Variants in CTC1 observed in about 807,000 individuals in gnomAD.
CTC1 encodes CST telomere replication complex component 1, also known as CST complex subunit CTC1.
CTC1 carries 91 observed loss-of-function variants against 136.3 expected under a neutral mutation model. The ratio of observed to expected loss-of-function variants is 0.67; its 90% CI spans 0.56 to 0.79. CTC1 has a LOEUF of 0.79. CTC1 is among the 30% of genes least tolerant of loss of function. The pLI is 0.00. For synonymous variants in CTC1, 606 were observed against 613.8 expected (o/e 0.99, Z 0.19); for missense variants, 1,432 against 1,498.1 (o/e 0.96, Z 0.73).
intron 1 of CTC1, 95 bp from the exon 2 acceptor site, chr17:8,243,243 G>C: frequency 8.1e-7 from 1 of 1,227,018 alleles, no homozygotes; most frequent in Non-Finnish European, 1.1e-6. Flanking sequence ...ATCCGGGCCG[G>C]GTGCGGTGGC....
Position 8,238,127 on chromosome 17 carries a change from G to C in CTC1, c.551C>G (p.Ala184Gly). The C allele has an allele frequency of 6.2e-7, 1 of 1,614,152 alleles. No homozygotes were observed. Among genetic ancestry groups the C allele is most frequent in the Non-Finnish European group, 8.5e-7 (1 of 1,179,996 alleles). ...SGEGHLELWD[A>G]PVPVFPLTIS... ...GGTCAAAGGAAACACTGGCACAGGG[G>C]CATCCCACAGCTCCAAGTGCCCTTC... The change falls in exon 4 of 23, where the codon GCC becomes GGC. Residue 184 changes from alanine to glycine, a missense_variant. Transcript: ENST00000651323.
intron 15 of CTC1, 49 bp from the exon 16 acceptor site, chr17:8,230,700 G>T (rs1360613083): frequency 6.7e-7 from 1 of 1,487,470 alleles, no homozygotes; most frequent in South Asian, 1.1e-5. Context: ...AGAAAGCACA[G>T]AGTGGAGACA....
intron 7 of CTC1, 62 bp from the exon 8 acceptor site, chr17:8,235,347 CAG>C: frequency 7.8e-7 from 1 of 1,285,764 alleles, no homozygotes; most frequent in Non-Finnish European, 1.1e-6. Flanking sequence ...TGAACCCAGG[CAG>C]AGTTAACCGC....
chr17:8,242,654 T>C (rs1176784438), intron 2 of CTC1, among the ~76,000 whole-genome samples: 1 of 150,372 alleles, frequency 6.7e-6, no homozygotes, highest in Non-Finnish European at 1.5e-5. Context: ...CACTTGGTAA[T>C]GTCAAACAGT....
rs1358177237 is a variant in CTC1 at position 8,227,043 on chromosome 17, T to TA, written c.*1136dup. Reference sequence around the variant, plus strand: ...CCTTGGCGTTATTAGCACCACGCTCTAACCAACTGAGCTAACCGGCCACTA... The same window carrying TA: ...CCTTGGCGTTATTAGCACCACGCTCTAAACCAACTGAGCTAACCGGCCACTA... On this transcript the variant is annotated 3_prime_UTR_variant, in exon 23 of 23. Transcript: ENST00000651323. 6.6e-6 allele frequency: 1 copy of TA among 152,568 alleles called. No homozygotes were observed. The highest frequency in any genetic ancestry group is 2.4e-5 in the African/African-American group (1 of 41,458). 9.5% of individuals were successfully genotyped at this position (152,568 alleles called of 1,614,324 possible). A position where few individuals can be genotyped will look rare whatever the true frequency, so the allele number is the denominator to read the frequency against.
chr17:8,227,068 A>C lies in CTC1; in HGVS notation c.*1112T>G, dbSNP rs145994242. On this transcript the variant is annotated 3_prime_UTR_variant, in exon 23 of 23. Transcript: ENST00000651323. ...TAACCAACTGAGCTAACCGGCCACT[A>C]ACTTTCCGGGTCTACTTCAAATCTT... is the stretch of plus-strand genomic sequence containing the variant. 1.3e-5 allele frequency: 2 copies of C among 150,956 alleles called. No homozygotes were observed. The highest frequency in any genetic ancestry group is 3.9e-4 in the East Asian group (2 of 5,192). 9.4% of individuals were successfully genotyped at this position (150,956 alleles called of 1,614,324 possible).
chr17:8,237,570 G>A lies in CTC1; in HGVS notation c.648-51C>T, dbSNP rs771185000. On this transcript the variant is annotated intron_variant, in intron 4 of 22. Coordinates refer to ENST00000651323, the MANE Select transcript of CTC1 (RefSeq NM_025099.6). ...ATCCCAGCTACTCAGGAGGCTGAGG[G>A]AGGAGAATCACTTGAACCTGAAAGG... 20 of 1,524,180 alleles carry A rather than the reference G, an allele frequency of 1.3e-5. No homozygotes were observed. In the African/African-American group the frequency reaches 2.5e-4, roughly 19 times the overall value. The allele number at this position is 1,524,180 out of a possible 1,614,324, so 94.4% of individuals were successfully genotyped here.
rs12603646 is a variant in CTC1, at chr17:8,235,325, A to C, written c.1207-40T>G. The C allele has an allele frequency of 0.3, 437,440 of 1,470,890 alleles. 67,583 individuals carry two copies. Among genetic ancestry groups the C allele is most frequent in the Admixed American group, 0.49 (28,892 of 58,820 alleles). 91.1% of individuals were successfully genotyped at this position (1,470,890 alleles called of 1,614,324 possible). On this transcript the variant is annotated intron_variant, in intron 7 of 22. Transcript: ENST00000651323. ...AGAAAATGAAAAAGCAGAGATGAAGACCCCAACTCAATGAACCCAGGCAGA... is the reference window on the plus strand; with the variant it reads ...AGAAAATGAAAAAGCAGAGATGAAGCCCCCAACTCAATGAACCCAGGCAGA...
At chr17:8,228,928 C>T in intron 20 of CTC1, 36 bp from the exon 21 acceptor site, 1 of 1,581,478 alleles carries the variant, frequency 6.3e-7, no homozygotes. Context: ...ACGCCTATAG[C>T]AACCCAGGTT....
Position 8,230,340 on chromosome 17 carries a change from G to C in CTC1, c.2887C>G (p.Pro963Ala), listed in dbSNP as rs1242979828. The C allele has an allele frequency of 6.2e-7, 1 of 1,614,064 alleles. No individual in the cohort carries two copies. Among genetic ancestry groups the C allele is most frequent in the Non-Finnish European group, 8.5e-7 (1 of 1,180,016 alleles). Residue 963 changes from proline (P) to alanine (A), a missense_variant, in exon 17 of 23, where the codon CCA becomes GCA. Coordinates refer to ENST00000651323, the MANE Select transcript of CTC1 (RefSeq NM_025099.6). ...PHLPPSLGLLPGARVHFSQLE... is the reference protein window; with the variant it reads ...PHLPPSLGLLAGARVHFSQLE... ...TGGCTGAAGTGGACCCGGGCTCCTGGAAGTAGTCCTAGTGAGGGAGGCAAG... is the reference window on the plus strand; with the variant it reads ...TGGCTGAAGTGGACCCGGGCTCCTGCAAGTAGTCCTAGTGAGGGAGGCAAG...
At chr17:8,231,865 C>T (rs764865547) in intron 13 of CTC1, 38 bp downstream of exon 13, 7 of 1,613,024 alleles carry the variant, frequency 4.3e-6, no homozygotes, top group Admixed American at 1.7e-5. Flanking sequence ...AGGCTCAGGG[C>T]GCAGGTCAGG....
chr17:8,231,367 G>T lies in CTC1; in HGVS notation c.2578C>A (p.Leu860Met). Residue 860 changes from leucine to methionine, a missense_variant, in exon 15 of 23, where the codon CTG (leucine) becomes ATG (methionine). Physicochemically the swap from Leu to Met is conservative, Grantham distance 15. Transcript: ENST00000651323. ...SCLTVQDNWT[L>M]ELESSQDIQD... ...ATATCCTGGGAGCTTTCAAGCTCCA[G>T]AGTCCAGTTGTCCTGGACAGTGAGG... The T allele has an allele frequency of 6.2e-7, 1 of 1,612,578 alleles. No homozygotes were observed. The highest frequency in any genetic ancestry group is 8.5e-7 in the Non-Finnish European group (1 of 1,178,772).
intron 2 of CTC1, among the ~76,000 whole-genome samples, chr17:8,240,434 G>A (rs182751825): frequency 9.3e-4 from 138 of 148,686 alleles, no homozygotes; most frequent in African/African-American, 3.4e-3. Context: ...GATTACAGGC[G>A]TGAGCCATCC....
At chr17:8,230,026 G>C in intron 17 of CTC1, 58 bp from the exon 18 acceptor site, 1 of 1,519,476 alleles carries the variant, frequency 6.6e-7, no homozygotes, top group Non-Finnish European at 9.1e-7. Flanking sequence ...TGGGGTAGAA[G>C]CTGGGACTCA....
At position 8,236,134 on chromosome 17, in the gene CTC1, A is replaced by T; in HGVS notation, c.1001T>A (p.Leu334His). Residue 334 changes from leucine to histidine, a missense_variant, in exon 6 of 23, where the codon CTC becomes CAC. Leu to His is a moderately conservative substitution (Grantham distance 99). Coordinates refer to ENST00000651323, the MANE Select transcript of CTC1 (RefSeq NM_025099.6). Reference protein sequence around the residue: ...GPLLEADPKPLPMPSNSEDKK... With the variant: ...GPLLEADPKPHPMPSNSEDKK... ...GTCCTCCGAGTTGCTGGGCATGGGG[A>T]GTGGCTTGGGGTCAGCCTCTAAGAG... 6.2e-7 allele frequency: 1 copy of T among 1,614,172 alleles called. No individual in the cohort carries two copies. The highest frequency in any genetic ancestry group is 1.3e-5 in the African/African-American group (1 of 75,034).
chr17:8,236,606 CTG>C (rs1374170760), intron 5 of CTC1, among the ~76,000 whole-genome samples: 1 of 152,176 alleles, frequency 6.6e-6, no homozygotes, highest in East Asian at 1.9e-4. Flanking sequence ...ACTGAGAAAA[CTG>C]TGCCCTATCC....
intron 11 of CTC1, 70 bp downstream of exon 11, chr17:8,232,836 C>T: frequency 6.3e-7 from 1 of 1,579,734 alleles, no homozygotes; most frequent in Non-Finnish European, 8.6e-7. Flanking sequence ...CAGGCTTTTC[C>T]TCCCAGGCTC....
At chr17:8,247,904 G>T in intron 1 of CTC1, 100 bp downstream of exon 1, 1 of 1,291,614 alleles carries the variant, frequency 7.7e-7, no homozygotes, top group Non-Finnish European at 1.1e-6. Flanking sequence ...GCCGGACGCG[G>T]CCAGCGAGCC....
rs1221211418 is a variant in CTC1, at chr17:8,224,904, G to C, written c.*3276C>G. The stretch of plus-strand genomic sequence containing the variant: ...GGCTGGGATGCAGTGGCGCGATCTC[G>C]GCTGACAACACCTCCTCCCCCCTCC... On this transcript the variant is annotated 3_prime_UTR_variant, in exon 23 of 23. Coordinates refer to ENST00000651323, the MANE Select transcript of CTC1 (RefSeq NM_025099.6). 6.6e-6 allele frequency: 1 copy of C among 152,036 alleles called. No homozygotes were observed. Among genetic ancestry groups the C allele is most frequent in the African/African-American group, 2.4e-5 (1 of 41,364 alleles). The allele number at this position is 152,036 out of a possible 1,614,324, so 9.4% of individuals were successfully genotyped here. A position where few individuals can be genotyped will look rare whatever the true frequency, so the allele number is the denominator to read the frequency against.
Sources: allele counts gnomAD v4.1 joint callset (sites outside exome capture counted in the v4.1 genomes callset), GRCh38; gene constraint gnomAD v4.1.1; transcripts MANE v1.5; gene names NCBI Gene and HGNC (gene_info 2026-07-23, HGNC 2026-07-21).